PLCB1: variants seen among roughly 807,000 people sequenced by gnomAD.
PLCB1 encodes the protein phospholipase C beta 1, also known as 1-phosphatidylinositol 4,5-bisphosphate phosphodiesterase beta-1.
A neutral mutation model predicts 161.8 loss-of-function variants in PLCB1; 46 were observed. The observed-to-expected ratio is 0.28, with a 90% CI of 0.22 to 0.36. The LOEUF is 0.36. Ranked by LOEUF, PLCB1 falls within the 10% of genes least tolerant of loss-of-function variation. The pLI is 1.00. For synonymous variants in PLCB1, 517 were observed against 503.7 expected, an observed-to-expected ratio of 1.03 and a Z score of -0.35; for missense variants, 1,016 against 1,472.5, an observed-to-expected ratio of 0.69 and a Z score of 5.07.
chr20:8,796,509 T>G (rs1251919044), intron 31 of PLCB1, among the ~76,000 whole-genome samples: 5 of 152,222 alleles, frequency 3.3e-5, no homozygotes, highest in Admixed American at 1.3e-4. Context: ...TTATTGGATC[T>G]TCTCCCAGAA....
chr20:8,860,374 G>A (rs530322847), intron 31 of PLCB1, among the ~76,000 whole-genome samples: 2 of 152,280 alleles, frequency 1.3e-5, no homozygotes, highest in South Asian at 4.1e-4. Context: ...TCAGAGACAA[G>A]TCCTACCACA....
At chr20:8,280,111 G>A (rs913344843) in intron 2 of PLCB1, among the ~76,000 whole-genome samples, 2 of 152,104 alleles carry the variant, frequency 1.3e-5, no homozygotes, top group Admixed American at 6.6e-5. Context: ...TGAGGCGGGC[G>A]GATCACCTGA....
At chr20:8,254,529 T>G (rs1430542392) in intron 2 of PLCB1, among the ~76,000 whole-genome samples, 4 of 151,888 alleles carry the variant, frequency 2.6e-5, no homozygotes, top group Non-Finnish European at 5.9e-5. Context: ...GACTTGAGTA[T>G]AAATCAGGCT....
intron 14 of PLCB1, among the ~76,000 whole-genome samples, chr20:8,720,388 T>C (rs1284573446): frequency 1.3e-5 from 2 of 152,246 alleles, no homozygotes; most frequent in African/African-American, 2.4e-5. Flanking sequence ...GTGGAAACTT[T>C]TGGACATTTT....
rs74444313 is a variant in PLCB1, at chr20:8,409,409, G to A, written c.246+37959G>A. Reference sequence around the variant, plus strand: ...ATGAAATTTGACATCTCTGAGGACCGACAAGGATACTGCTCATATGGAATG... The same window carrying A: ...ATGAAATTTGACATCTCTGAGGACCAACAAGGATACTGCTCATATGGAATG... On this transcript the variant is annotated intron_variant, in intron 3 of 31. Coordinates refer to ENST00000338037, the MANE Select transcript of PLCB1 (RefSeq NM_015192.4). Among the ~76,000 whole-genome samples the A allele has an allele frequency of 6.0e-3, 913 of 151,778 alleles. 58 individuals are homozygous for A. In the East Asian group the frequency reaches 0.13, roughly 22 times the overall value.
chr20:8,456,980 T>C (rs1981343667), intron 3 of PLCB1, among the ~76,000 whole-genome samples: 1 of 152,228 alleles, frequency 6.6e-6, no homozygotes. Context: ...GAATTTTGGA[T>C]TGGGACATAA....
intron 3 of PLCB1, among the ~76,000 whole-genome samples, chr20:8,492,848 A>ATATG (rs577482497): frequency 6.9e-6 from 1 of 145,050 alleles, no homozygotes; most frequent in Non-Finnish European, 1.5e-5. Flanking sequence ...ATATATATAT[A>ATATG]TGTGTGTGTG....
chr20:8,182,024 A>G (rs1484828188), intron 2 of PLCB1, among the ~76,000 whole-genome samples: 1 of 152,200 alleles, frequency 6.6e-6, no homozygotes, highest in African/African-American at 2.4e-5. Context: ...TTTCTCCAGT[A>G]TATACCCATA....
At chr20:8,803,373 T>C (rs1984375265) in intron 31 of PLCB1, among the ~76,000 whole-genome samples, 1 of 151,960 alleles carries the variant, frequency 6.6e-6, no homozygotes. Context: ...TTGAAGCAAC[T>C]GTCATGGCAT....
At chr20:8,683,396 G>GAAA (rs11481284) in intron 9 of PLCB1, among the ~76,000 whole-genome samples, 1 of 148,576 alleles carries the variant, frequency 6.7e-6, no homozygotes, top group African/African-American at 2.5e-5. Flanking sequence ...GTTTCAACAA[G>GAAA]AAAAAAAAAA....
chr20:8,628,382 T>A lies in PLCB1; in HGVS notation c.335T>A (p.Val112Glu). The part of the protein sequence containing the change: ...MITVVYGPDL[V>E]NISHLNLVAF... Reference sequence around the variant, plus strand: ...ACAGTGGTGTATGGGCCTGACCTCGTGAACATCTCCCATTTGAATCTCGTG... The same window carrying A: ...ACAGTGGTGTATGGGCCTGACCTCGAGAACATCTCCCATTTGAATCTCGTG... Residue 112 changes from valine to glutamate, a missense_variant, in exon 4 of 32, where the codon GTG becomes GAG. Coordinates refer to ENST00000338037, the MANE Select transcript of PLCB1 (RefSeq NM_015192.4). 1 of 1,614,140 alleles carries A rather than the reference T, an allele frequency of 6.2e-7. No homozygotes were observed. Among genetic ancestry groups the A allele is most frequent in the East Asian group, 2.2e-5 (1 of 44,858 alleles).
chr20:8,481,999 C>T (rs909109031), intron 3 of PLCB1, among the ~76,000 whole-genome samples: 2 of 150,196 alleles, frequency 1.3e-5, no homozygotes, highest in African/African-American at 2.5e-5. Context: ...CATGAACATT[C>T]GCAGCTTGAA....
intron 3 of PLCB1, among the ~76,000 whole-genome samples, chr20:8,515,054 G>A (rs1034963404): frequency 2.6e-5 from 4 of 151,930 alleles, no homozygotes; most frequent in Non-Finnish European, 5.9e-5. Context: ...GCTTATGACA[G>A]GAAGACAAAA....
At chr20:8,351,467 A>G (rs1156628570) in intron 2 of PLCB1, among the ~76,000 whole-genome samples, 1 of 152,142 alleles carries the variant, frequency 6.6e-6, no homozygotes, top group Non-Finnish European at 1.5e-5. Flanking sequence ...AGCATAATCC[A>G]TGAAAGAAAA....
At chr20:8,856,278 A>G (rs1040854201) in intron 31 of PLCB1, among the ~76,000 whole-genome samples, 2 of 152,174 alleles carry the variant, frequency 1.3e-5, no homozygotes, top group African/African-American at 4.8e-5. Context: ...TCATATTGAA[A>G]TATGATAATG....
chr20:8,375,323 G>A (rs1023129148), intron 3 of PLCB1, among the ~76,000 whole-genome samples: 12 of 152,008 alleles, frequency 7.9e-5, no homozygotes, highest in African/African-American at 2.7e-4. Context: ...TTTCTGGGTC[G>A]TCACTTCAAA....
intron 3 of PLCB1, among the ~76,000 whole-genome samples, chr20:8,397,373 C>T (rs200746853): frequency 9.2e-5 from 14 of 151,994 alleles, no homozygotes; most frequent in East Asian, 3.9e-4. Context: ...TTTATAGTTA[C>T]GTTCAGTTTT....
At chr20:8,353,386 T>C (rs1363230949) in intron 2 of PLCB1, among the ~76,000 whole-genome samples, 1 of 152,076 alleles carries the variant, frequency 6.6e-6, no homozygotes, top group Non-Finnish European at 1.5e-5. Flanking sequence ...TACCAAATAA[T>C]TTATGTAGGA....
intron 3 of PLCB1, chr20:8,371,798 G>A (rs926232018): frequency 1.6e-4 from 30 of 190,710 alleles, no homozygotes; most frequent in African/African-American, 6.1e-4. Flanking sequence ...GGAACTAACC[G>A]TTAGACATGA....
Sources: gnomAD v4.1 joint callset for allele counts (sites outside exome capture counted in the v4.1 genomes callset) on GRCh38, gnomAD v4.1.1 for gene constraint, MANE v1.5 for transcripts, NCBI Gene and HGNC (gene_info 2026-07-23, HGNC 2026-07-21) for gene names.